Variants in ADAMDEC1 observed in about 807,000 individuals in gnomAD.
The protein encoded by ADAMDEC1 is ADAM DEC1.
A neutral mutation model predicts 60.4 loss-of-function variants in ADAMDEC1; 62 were observed. The ratio of observed to expected loss-of-function variants is 1.03; its 90% CI spans 0.84 to 1.27. The LOEUF (loss-of-function observed/expected upper bound fraction) is 1.27. Among genes scored for constraint, ADAMDEC1 ranks in the 50% most tolerant of loss-of-function variants. The pLI, the probability that ADAMDEC1 is intolerant of heterozygous loss-of-function variation, is 0.00. For missense variants in ADAMDEC1, 595 were observed against 565.0 expected (o/e 1.05, Z -0.54); for synonymous variants, 210 against 195.1 (o/e 1.08, Z -0.64).
At chr8:24,402,297 G>C (rs1472092741) in intron 12 of ADAMDEC1, among the ~76,000 whole-genome samples, 1 of 152,104 alleles carries the variant, frequency 6.6e-6, no homozygotes, top group Non-Finnish European at 1.5e-5. Context: ...ATTATATGAA[G>C]TTAAATGTAA....
chr8:24,388,233 C>G (rs578068659), intron 1 of ADAMDEC1, among the ~76,000 whole-genome samples: 2 of 152,206 alleles, frequency 1.3e-5, no homozygotes, highest in African/African-American at 4.8e-5. Context: ...AGTAGGTTTG[C>G]GTCCTTTCCC....
rs532951866 is a variant in ADAMDEC1 at position 24,400,036 on chromosome 8, G to A, written c.1012-134G>A. 6.3e-5 allele frequency: 42 copies of A among 662,092 alleles called. 1 individual carries two copies. The South Asian group carries it at 1.0e-3, about 16-fold the overall frequency. 41.0% of individuals were successfully genotyped at this position (662,092 alleles called of 1,614,324 possible). Reference sequence around the variant, plus strand: ...CAACCACTTTAAATGCTCTTTCAACGTTTTGCAATACACAGTGACAGGGAA... The same window carrying A: ...CAACCACTTTAAATGCTCTTTCAACATTTTGCAATACACAGTGACAGGGAA... On this transcript the variant is annotated intron_variant, in intron 10 of 13. Coordinates refer to ENST00000256412, the MANE Select transcript of ADAMDEC1 (RefSeq NM_014479.3).
In ADAMDEC1 at chr8:24,397,384, CACATGT is replaced by C. The variant is rs762929878; in HGVS notation, c.556_561del (p.Thr186_Cys187del). 1.9e-6 allele frequency: 3 copies of C among 1,614,124 alleles called. 1 individual carries two copies. The South Asian group carries it at 3.3e-5, about 18-fold the overall frequency. On this transcript the variant is annotated inframe_deletion, in exon 6 of 14. Transcript: ENST00000256412. ...AGGAGGAACAAGACCCAGCTAACCACACATGTGGTGTGAAGAGCACTGACGGGAAAC... is the reference window on the plus strand; with the variant it reads ...AGGAGGAACAAGACCCAGCTAACCACGGTGTGAAGAGCACTGACGGGAAAC...
At position 24,397,740 on chromosome 8, in the gene ADAMDEC1, G is replaced by C. The variant is rs372769205; in HGVS notation, c.685G>C (p.Ala229Pro). 1.2e-6 allele frequency: 2 copies of C among 1,612,844 alleles called. No homozygotes were observed. Among genetic ancestry groups the C allele is most frequent in the African/African-American group, 2.7e-5 (2 of 75,000 alleles). ...YIDLYLVLDN[A>P]FYKNYNENLT... ...TGATCTCTATTTGGTGCTGGATAATGCCTTTGTGAGTATGAAACACACGGC... is the reference window on the plus strand; with the variant it reads ...TGATCTCTATTTGGTGCTGGATAATCCCTTTGTGAGTATGAAACACACGGC... Residue 229 changes from alanine (A) to proline (P), a missense_variant, in exon 7 of 14, where the codon GCC becomes CCC. By Grantham distance (27) the Ala-to-Pro change is conservative (BLOSUM62 -1). Transcript: ENST00000256412.
At chr8:24,390,665 A>T (rs1817420118) in intron 1 of ADAMDEC1, among the ~76,000 whole-genome samples, 2 of 152,200 alleles carry the variant, frequency 1.3e-5, no homozygotes, top group South Asian at 4.1e-4. Context: ...GGTTGCAGTG[A>T]GTCAAGATCG....
chr8:24,396,209 G>A (rs910322726), intron 5 of ADAMDEC1, among the ~76,000 whole-genome samples: 1 of 152,130 alleles, frequency 6.6e-6, no homozygotes, highest in African/African-American at 2.4e-5. Context: ...GTAAGAAAAA[G>A]CACAAATAAG....
chr8:24,384,769 T>A (rs1442906162), intron 1 of ADAMDEC1, among the ~76,000 whole-genome samples, 177 bp downstream of exon 1: 1 of 152,200 alleles, frequency 6.6e-6, no homozygotes, highest in Non-Finnish European at 1.5e-5. Context: ...AGTATGTGTA[T>A]CTTTTTGAGT....
chr8:24,402,012 C>T lies in ADAMDEC1; in HGVS notation c.1240C>T (p.Pro414Ser), dbSNP rs1817777803. ...AAAGTGCCTGCTGCAAGCACCTATT[C>T]CTACAAATATAATGACAACACCAGT... ...KPKCLLQAPI[P>S]TNIMTTPVCG... The change falls in exon 12 of 14, where the codon CCT becomes TCT. Residue 414 changes from proline (P) to serine (S), a missense_variant. Pro to Ser is a moderately conservative substitution (Grantham distance 74, BLOSUM62 -1). Coordinates refer to ENST00000256412, the MANE Select transcript of ADAMDEC1 (RefSeq NM_014479.3). 1.2e-6 allele frequency: 2 copies of T among 1,613,292 alleles called. No homozygotes were observed. Among genetic ancestry groups the T allele is most frequent in the Non-Finnish European group, 1.7e-6 (2 of 1,179,422 alleles).
At chr8:24,400,435 T>C in intron 11 of ADAMDEC1, 135 bp downstream of exon 11, 1 of 995,872 alleles carries the variant, frequency 1.0e-6, no homozygotes, top group East Asian at 2.8e-5. Context: ...AAATTGTTTA[T>C]AAAATACATA....
At chr8:24,402,908 A>G (rs1190312528) in intron 12 of ADAMDEC1, among the ~76,000 whole-genome samples, 1 of 152,196 alleles carries the variant, frequency 6.6e-6, no homozygotes, top group Non-Finnish European at 1.5e-5. Flanking sequence ...ATTTTACAAA[A>G]GATTTGACAT....
intron 1 of ADAMDEC1, chr8:24,387,662 G>A (rs1256925039): frequency 1.3e-5 from 2 of 152,188 alleles, no homozygotes; most frequent in Non-Finnish European, 2.9e-5. Flanking sequence ...TACTGTTGCT[G>A]TTGAGCTGTT....
chr8:24,393,300 A>AAAT lies in ADAMDEC1; in HGVS notation c.247_249dup (p.Asn83dup), dbSNP rs778429826. 2 of 1,606,074 alleles carry AAAT rather than the reference A, an allele frequency of 1.2e-6. No individual in the cohort carries two copies. The highest frequency in any genetic ancestry group is 1.7e-6 in the Non-Finnish European group (2 of 1,175,250). ...CTGAAGTTCAATATCAGATGATCTTAAATGGAGAAGAAATCATTCTCTCCC... is the reference window on the plus strand; with the variant it reads ...CTGAAGTTCAATATCAGATGATCTTAAATAATGGAGAAGAAATCATTCTCTCCC... On this transcript the variant is annotated inframe_insertion, in exon 3 of 14. Coordinates refer to ENST00000256412, the MANE Select transcript of ADAMDEC1 (RefSeq NM_014479.3).
At chr8:24,396,069 T>C (rs1186563280) in intron 5 of ADAMDEC1, among the ~76,000 whole-genome samples, 1 of 152,202 alleles carries the variant, frequency 6.6e-6, no homozygotes, top group Non-Finnish European at 1.5e-5. Flanking sequence ...TCCAACCTAC[T>C]CTCTGAAACA....
chr8:24,384,425 T>C lies in ADAMDEC1; in HGVS notation c.-80T>C, dbSNP rs535465577. Reference sequence around the variant, plus strand: ...ACATTCCCCAATCTCACACGAAAAGTGGGGGTTTTAATTTTCTTGTTCAAC... The same window carrying C: ...ACATTCCCCAATCTCACACGAAAAGCGGGGGTTTTAATTTTCTTGTTCAAC... On this transcript the variant is annotated 5_prime_UTR_variant, in exon 1 of 14. Coordinates refer to ENST00000256412, the MANE Select transcript of ADAMDEC1 (RefSeq NM_014479.3). 1,846 of 1,172,326 alleles carry C rather than the reference T, an allele frequency of 1.6e-3. No individual in the cohort carries two copies. Among genetic ancestry groups the C allele is most frequent in the Middle Eastern group, 3.0e-3 (15 of 5,066 alleles). 72.6% of individuals were successfully genotyped at this position (1,172,326 alleles called of 1,614,324 possible). A position where few individuals can be genotyped will look rare whatever the true frequency, so the allele number is the denominator to read the frequency against.
In ADAMDEC1 at chr8:24,395,787, A is replaced by T; in HGVS notation, c.431A>T (p.Asp144Val). ...KNSVASISTC[D>V]GLRGYFTHHH... ...TCTGTTGCCAGCATCAGTACTTGTG[A>T]CGGGTTGAGGTAAGAACTACCATCA... The change falls in exon 5 of 14, where the codon GAC becomes GTC. Residue 144 changes from aspartate (D) to valine (V), a missense_variant. Physicochemically the swap from Asp to Val is radical, Grantham distance 152. Coordinates refer to ENST00000256412, the MANE Select transcript of ADAMDEC1 (RefSeq NM_014479.3). The T allele has an allele frequency of 6.2e-7, 1 of 1,613,028 alleles. No individual in the cohort carries two copies. Among genetic ancestry groups the T allele is most frequent in the East Asian group, 2.2e-5 (1 of 44,780 alleles).
intron 1 of ADAMDEC1, among the ~76,000 whole-genome samples, chr8:24,386,841 T>A (rs1817306138): frequency 6.6e-6 from 1 of 152,216 alleles, no homozygotes; most frequent in Non-Finnish European, 1.5e-5. Context: ...AAGTGAGTAC[T>A]CAGACACAGG....
At chr8:24,386,548 A>G (rs1193594128) in intron 1 of ADAMDEC1, among the ~76,000 whole-genome samples, 1 of 152,152 alleles carries the variant, frequency 6.6e-6, no homozygotes, top group Non-Finnish European at 1.5e-5. Context: ...TTGTCCCTAT[A>G]TGATCAGCCT....
intron 4 of ADAMDEC1, 69 bp from the exon 5 acceptor site, chr8:24,395,651 A>G (rs1023161365): frequency 3.7e-5 from 38 of 1,031,588 alleles, no homozygotes; most frequent in Non-Finnish European, 5.0e-5. Flanking sequence ...TAGTTTATAC[A>G]TTACACACAC....
intron 13 of ADAMDEC1, 116 bp from the exon 14 acceptor site, chr8:24,405,176 A>T: frequency 1.9e-6 from 2 of 1,079,896 alleles, no homozygotes; most frequent in Non-Finnish European, 2.7e-6. Flanking sequence ...TCTCTTAAAT[A>T]ATATGAATTG....
Sources: allele counts gnomAD v4.1 joint callset (sites outside exome capture counted in the v4.1 genomes callset), GRCh38; gene constraint gnomAD v4.1.1; transcripts MANE v1.5; gene names NCBI Gene and HGNC (gene_info 2026-07-23, HGNC 2026-07-21).